Variants in SEMA6D observed in about 807,000 individuals in gnomAD.
SEMA6D encodes the protein semaphorin 6D.
A neutral mutation model predicts 106.6 loss-of-function variants in SEMA6D; 35 were observed. The ratio of observed to expected loss-of-function variants is 0.33; its 90% CI spans 0.25 to 0.44. The LOEUF (loss-of-function observed/expected upper bound fraction) is 0.44. SEMA6D is among the 20% of genes least tolerant of loss of function. The pLI is 1.00. For synonymous variants in SEMA6D, 499 were observed against 487.7 expected, an observed-to-expected ratio of 1.02 and a Z score of -0.31; for missense variants, 1,185 against 1,345.9, an observed-to-expected ratio of 0.88 and a Z score of 1.87.
At chr15:47,368,933 A>T (rs1458679059) in intron 1 of SEMA6D, among the ~76,000 whole-genome samples, 3 of 152,032 alleles carry the variant, frequency 2.0e-5, no homozygotes, top group Non-Finnish European at 2.9e-5. Flanking sequence ...ATCCCTAATA[A>T]TCTGTGGGTT....
chr15:47,322,405 A>G (rs144593360), intron 1 of SEMA6D, among the ~76,000 whole-genome samples: 5 of 150,860 alleles, frequency 3.3e-5, no homozygotes, highest in African/African-American at 1.2e-4. Flanking sequence ...GTCTTTTATG[A>G]TCTTGATACC....
intron 2 of SEMA6D, among the ~76,000 whole-genome samples, chr15:47,456,408 A>G (rs540003884): frequency 5.3e-5 from 8 of 152,142 alleles, no homozygotes; most frequent in African/African-American, 1.9e-4. Flanking sequence ...CTGTGATTTT[A>G]TCACCAAAAA....
intron 3 of SEMA6D, among the ~76,000 whole-genome samples, chr15:47,470,812 TAGG>T (rs1157186350): frequency 3.9e-5 from 6 of 152,090 alleles, no homozygotes; most frequent in Non-Finnish European, 7.4e-5. Context: ...AAAAATATAA[TAGG>T]AGGAGAATAA....
At chr15:47,658,879 A>C (rs2077859979) in intron 4 of SEMA6D, among the ~76,000 whole-genome samples, 1 of 152,060 alleles carries the variant, frequency 6.6e-6, no homozygotes, top group Non-Finnish European at 1.5e-5. Flanking sequence ...CACACACACA[A>C]CAGTTTAGAA....
intron 1 of SEMA6D, among the ~76,000 whole-genome samples, chr15:47,353,350 T>A (rs1286835860): frequency 2.0e-5 from 3 of 152,156 alleles, no homozygotes; most frequent in Non-Finnish European, 4.4e-5. Flanking sequence ...CTAGAGCCAA[T>A]GAAATAAAAA....
chr15:47,362,474 C>G (rs932808725), intron 1 of SEMA6D, among the ~76,000 whole-genome samples: 1 of 152,128 alleles, frequency 6.6e-6, no homozygotes, highest in Non-Finnish European at 1.5e-5. Context: ...CTGCTCCTGA[C>G]CAGGATGACT....
At chr15:47,700,823 C>T (rs2078795227) in intron 4 of SEMA6D, among the ~76,000 whole-genome samples, 1 of 151,906 alleles carries the variant, frequency 6.6e-6, no homozygotes, top group African/African-American at 2.4e-5. Flanking sequence ...AATGGAGAGC[C>T]CAGATATTTG....
intron 1 of SEMA6D, among the ~76,000 whole-genome samples, chr15:47,739,251 G>A (rs1054592304): frequency 1.8e-4 from 27 of 152,208 alleles, no homozygotes; most frequent in African/African-American, 6.5e-4. Flanking sequence ...TTGGGAAGCT[G>A]AAAAACTAGA....
At chr15:47,754,884 C>T (rs888777908) in intron 1 of SEMA6D, among the ~76,000 whole-genome samples, 5 of 151,552 alleles carry the variant, frequency 3.3e-5, no homozygotes, top group Admixed American at 6.6e-5. Context: ...TTCTCTTTAC[C>T]TCTGACAAAT....
intron 2 of SEMA6D, among the ~76,000 whole-genome samples, chr15:47,417,183 G>A (rs921077171): frequency 6.6e-6 from 1 of 151,928 alleles, no homozygotes; most frequent in African/African-American, 2.4e-5. Context: ...TACATTATAC[G>A]ATATTGTTGT....
intron 1 of SEMA6D, among the ~76,000 whole-genome samples, chr15:47,383,795 A>T (rs948324730): frequency 6.6e-6 from 1 of 152,244 alleles, no homozygotes; most frequent in South Asian, 2.1e-4. Context: ...TGGCACTCAG[A>T]CTCTGCTATG....
At chr15:47,269,861 C>G (rs1386353958) in intron 1 of SEMA6D, among the ~76,000 whole-genome samples, 2 of 151,926 alleles carry the variant, frequency 1.3e-5, no homozygotes, top group Non-Finnish European at 2.9e-5. Flanking sequence ...AAGTTTTTCA[C>G]AATATGAATT....
At chr15:47,495,613 G>C (rs2043628683) in intron 3 of SEMA6D, among the ~76,000 whole-genome samples, 1 of 151,954 alleles carries the variant, frequency 6.6e-6, no homozygotes, top group Admixed American at 6.6e-5. Context: ...GTCCGAATGT[G>C]TGTTTATGTG....
chr15:47,412,703 T>C (rs1786025419), intron 2 of SEMA6D, among the ~76,000 whole-genome samples: 1 of 152,158 alleles, frequency 6.6e-6, no homozygotes, highest in Non-Finnish European at 1.5e-5. Context: ...TTTAAGTGTC[T>C]GCATCATTGG....
chr15:47,581,624 C>T (rs1015436164), intron 3 of SEMA6D, among the ~76,000 whole-genome samples: 4 of 152,072 alleles, frequency 2.6e-5, no homozygotes, highest in Non-Finnish European at 5.9e-5. Flanking sequence ...AGGTCTTAAA[C>T]CAGGAATAAG....
chr15:47,487,237 C>G (rs2043323249), intron 3 of SEMA6D, among the ~76,000 whole-genome samples: 1 of 152,212 alleles, frequency 6.6e-6, no homozygotes, highest in African/African-American at 2.4e-5. Flanking sequence ...ATCGGCATCC[C>G]CATAAGAACC....
intron 1 of SEMA6D, among the ~76,000 whole-genome samples, chr15:47,194,373 G>T (rs1435251571): frequency 2.0e-5 from 3 of 152,126 alleles, no homozygotes; most frequent in Non-Finnish European, 4.4e-5. Context: ...TTGAGAGGGA[G>T]AGTGGGGAGG....
At chr15:47,414,042 G>T (rs2140323435) in intron 2 of SEMA6D, among the ~76,000 whole-genome samples, 1 of 152,106 alleles carries the variant, frequency 6.6e-6, no homozygotes, top group African/African-American at 2.4e-5. Context: ...TAGTTTAATA[G>T]CTTGTATTTT....
chr15:47,489,778 A>T (rs1326912731), intron 3 of SEMA6D, among the ~76,000 whole-genome samples: 1 of 151,896 alleles, frequency 6.6e-6, no homozygotes, highest in African/African-American at 2.4e-5. Context: ...CAGCCTCCCG[A>T]GTAGCTGGGA....
Sources: gnomAD v4.1 joint callset for allele counts (sites outside exome capture counted in the v4.1 genomes callset) on GRCh38, gnomAD v4.1.1 for gene constraint, MANE v1.5 for transcripts, NCBI Gene and HGNC (gene_info 2026-07-23, HGNC 2026-07-21) for gene names.